GRHL3: variants seen among roughly 807,000 people sequenced by gnomAD.
The protein encoded by GRHL3 is grainyhead like transcription factor 3.
In GRHL3, 20 loss-of-function variants were observed where a neutral mutation model predicts 70.3. That is an observed-to-expected ratio of 0.28 (90% CI 0.20 to 0.41). The LOEUF (loss-of-function observed/expected upper bound fraction) is 0.41, where lower values mean the gene tolerates loss of function less well. GRHL3 is among the 10% of genes least tolerant of loss of function. The pLI is 1.00. For synonymous variants in GRHL3, 299 were observed against 299.9 expected (o/e 1.00, Z 0.03); for missense variants, 637 against 762.3 (o/e 0.84, Z 1.94).
chr1:24,358,640 G>C, downstream of GRHL3: 1 of 1,593,748 alleles, frequency 6.3e-7, no homozygotes, highest in Non-Finnish European at 8.6e-7. Flanking sequence ...ACAGAGAGGC[G>C]GAGGCATTAA....
At chr1:24,340,101 C>T (rs1008133865) in intron 8 of GRHL3, among the ~76,000 whole-genome samples, 3 of 152,122 alleles carry the variant, frequency 2.0e-5, no homozygotes, top group African/African-American at 7.2e-5. Context: ...GTGGAGCACA[C>T]GCCTGGCCCA....
intron 1 of GRHL3, among the ~76,000 whole-genome samples, chr1:24,323,320 A>G (rs1639274757): frequency 6.6e-6 from 1 of 152,096 alleles, no homozygotes; most frequent in Non-Finnish European, 1.5e-5. Flanking sequence ...CCCTAGACCT[A>G]CTGAATCAGA....
In GRHL3 at chr1:24,350,078, C is replaced by T; in HGVS notation, c.1650C>T (p.Phe550=). The T allele has an allele frequency of 6.2e-7, 1 of 1,613,664 alleles. No individual in the cohort carries two copies. ...LRNAISEKYG[F]PEENIYKVYK... ...TCCAGATCTCTGAGAAGTATGGGTT[C>T]CCTGAAGAGAACATTTACAAAGTCT... Residue 550 remains phenylalanine, a synonymous_variant, in exon 15 of 16, where the codon TTC becomes TTT. Transcript: ENST00000361548.
rs772829255 is a variant in GRHL3 at position 24,347,447 on chromosome 1, A to G, written c.1544-21A>G. On this transcript the variant is annotated intron_variant, in intron 13 of 15. Coordinates refer to ENST00000361548, the MANE Select transcript of GRHL3 (RefSeq NM_198173.3). ...TGTTCACATTATCTTCCTTGCACTC[A>G]AGCTGGCCCTTGCTTTTCAGTTCTG... 4.4e-6 allele frequency: 7 copies of G among 1,603,778 alleles called. No individual in the cohort carries two copies. In the East Asian group the frequency reaches 1.6e-4, roughly 36 times the overall value.
chr1:24,339,425 G>A lies in GRHL3; in HGVS notation c.953-243G>A, dbSNP rs112177946. On this transcript the variant is annotated intron_variant, in intron 7 of 15. Coordinates refer to ENST00000361548, the MANE Select transcript of GRHL3 (RefSeq NM_198173.3). ...CTCCCGAGTAGCTGAGACTACAGGC[G>A]CCTGCCACCATGCCCAGCTAATTTT... 3.8e-3 allele frequency among the ~76,000 whole-genome samples: 574 copies of A among 152,166 alleles called. 4 individuals carry two copies. Among genetic ancestry groups the A allele is most frequent in the African/African-American group, 0.013 (536 of 41,518 alleles).
chr1:24,342,015 G>T lies in GRHL3; in HGVS notation c.1048-100G>T. On this transcript the variant is annotated intron_variant, in intron 8 of 15. Transcript: ENST00000361548. This position sits in a 1 kb window ranked among gnomAD's most constrained non-coding sequence, Gnocchi z 4.8. ...GGGGCCTAGTGAGGCTTAAGGGTGA[G>T]CAGCAGGCACACAGAAAGCTAGAAA... is the stretch of plus-strand genomic sequence containing the variant. 8.7e-7 allele frequency: 1 copy of T among 1,154,116 alleles called. No homozygotes were observed. The highest frequency in any genetic ancestry group is 1.2e-6 in the Non-Finnish European group (1 of 817,086). The allele number at this position is 1,154,116 out of a possible 1,614,324, so 71.5% of individuals were successfully genotyped here.
At chr1:24,335,366 G>T (rs72878815) in intron 3 of GRHL3, among the ~76,000 whole-genome samples, 7,135 of 152,276 alleles carry the variant, frequency 0.047, 599 homozygotes, top group African/African-American at 0.16. Flanking sequence ...GCACTGGAAA[G>T]ACCTTGTCCC....
intron 1 of GRHL3, among the ~76,000 whole-genome samples, chr1:24,326,800 C>T (rs1437801633): frequency 6.6e-6 from 1 of 152,134 alleles, no homozygotes; most frequent in African/African-American, 2.4e-5. Context: ...CCAGGCCAGA[C>T]CCTAGGAGTC....
At position 24,337,773 on chromosome 1, in the gene GRHL3, C is replaced by G. The variant is rs888539948; in HGVS notation, c.824C>G (p.Ser275Cys). ...TPAGGKGLAL[S>C]SNKVKSVVMV... ...GCAGGTGGCAAAGGCCTTGCCTTGTCCTCCAACAAAGTCAAGGTGCGTTGG... is the reference window on the plus strand; with the variant it reads ...GCAGGTGGCAAAGGCCTTGCCTTGTGCTCCAACAAAGTCAAGGTGCGTTGG... Residue 275 changes from serine to cysteine, a missense_variant, in exon 6 of 16, where the codon TCC (serine) becomes TGC (cysteine). Around this residue, in one of 2 missense-constraint regions of GRHL3, gnomAD observed 387 missense variants for 513.8 expected, o/e 0.75. Transcript: ENST00000361548. 1 of 1,614,220 alleles carries G rather than the reference C, an allele frequency of 6.2e-7. No individual in the cohort carries two copies.
In GRHL3 at chr1:24,337,664, A is replaced by G; in HGVS notation, c.715A>G (p.Lys239Glu). Residue 239 changes from lysine to glutamate, a missense_variant, in exon 6 of 16, where the codon AAA becomes GAA. Around this residue, in one of 2 missense-constraint regions of GRHL3, gnomAD observed 387 missense variants for 513.8 expected, o/e 0.75. Transcript: ENST00000361548. ...CTTTGAATACACCCTGGGCTCCCCC[A>G]AAGCCATCCACATCAAGTCAGGCGA... ...SDFEYTLGSP[K>E]AIHIKSGESP... The G allele has an allele frequency of 6.2e-7, 1 of 1,614,136 alleles. No individual in the cohort carries two copies. The highest frequency in any genetic ancestry group is 1.1e-5 in the South Asian group (1 of 91,068).
intron 5 of GRHL3, 137 bp from the exon 6 acceptor site, chr1:24,337,499 G>T: frequency 1.1e-6 from 1 of 882,482 alleles, no homozygotes; most frequent in Non-Finnish European, 1.7e-6. Context: ...AGGAAACTGG[G>T]GCCCAAGGAA....
In GRHL3 at chr1:24,342,192, G is replaced by A. The variant is rs779119591; in HGVS notation, c.1125G>A (p.Gln375=). Residue 375 remains glutamine (Q), a synonymous_variant, in exon 9 of 16, where the codon CAG becomes CAA. Transcript: ENST00000361548. The surrounding 1 kb of genome is among the most constrained non-coding windows in gnomAD (Gnocchi z 4.8). ...KGVKGVPLNL[Q]IDTYDCGLGT... Reference sequence around the variant, plus strand: ...TGAAGGGTGTCCCCCTGAACCTGCAGATTGACACCTATGACTGTGGCTTGG... The same window carrying A: ...TGAAGGGTGTCCCCCTGAACCTGCAAATTGACACCTATGACTGTGGCTTGG... 2 of 1,613,720 alleles carry A rather than the reference G, an allele frequency of 1.2e-6. No homozygotes were observed. The highest frequency in any genetic ancestry group is 1.7e-6 in the Non-Finnish European group (2 of 1,179,768).
chr1:24,355,550 G>A (rs943155573), downstream of GRHL3, among the ~76,000 whole-genome samples: 1 of 152,218 alleles, frequency 6.6e-6, no homozygotes, highest in African/African-American at 2.4e-5. Context: ...TACAGCCTCA[G>A]GATCATTGAC....
chr1:24,336,395 C>T (rs1032355400), intron 3 of GRHL3, 87 bp from the exon 4 acceptor site: 5 of 812,968 alleles, frequency 6.2e-6, no homozygotes, highest in African/African-American at 1.7e-5. Context: ...GATCAAAGGC[C>T]AGTGTGTCAG....
At chr1:24,324,088 AG>A (rs3216004) in intron 1 of GRHL3, among the ~76,000 whole-genome samples, 1 of 152,198 alleles carries the variant, frequency 6.6e-6, no homozygotes, top group East Asian at 1.9e-4. Context: ...CCGGGTTTAC[AG>A]GTGGATTTCA....
At chr1:24,344,805 C>A in intron 11 of GRHL3, 92 bp from the exon 12 acceptor site, 1 of 1,466,120 alleles carries the variant, frequency 6.8e-7, no homozygotes. Flanking sequence ...CACCTCCCAC[C>A]AAAAATATTC....
Position 24,322,944 on chromosome 1 carries a change from A to G in GRHL3, c.17+3376A>G, listed in dbSNP as rs1275067981. Reference sequence around the variant, plus strand: ...CCCAGACCTGGTTCAGGCTTGCCCAAGGTCTCACGGAAGCACTGGGATCTT... The same window carrying G: ...CCCAGACCTGGTTCAGGCTTGCCCAGGGTCTCACGGAAGCACTGGGATCTT... On this transcript the variant is annotated intron_variant, in intron 1 of 15. Transcript: ENST00000361548. The surrounding 1 kb of genome is among the most constrained non-coding windows in gnomAD (Gnocchi z 4.4). 5 of 694,664 alleles carry G rather than the reference A, an allele frequency of 7.2e-6. No individual in the cohort carries two copies. Among genetic ancestry groups the G allele is most frequent in the African/African-American group, 5.4e-5 (3 of 55,930 alleles). 43.0% of individuals were successfully genotyped at this position (694,664 alleles called of 1,614,324 possible). A position where few individuals can be genotyped will look rare whatever the true frequency, so the allele number is the denominator to read the frequency against.
chr1:24,326,199 T>TA (rs112821116), intron 1 of GRHL3, among the ~76,000 whole-genome samples: 2 of 152,290 alleles, frequency 1.3e-5, no homozygotes, highest in African/African-American at 4.8e-5. Context: ...CAAGGTGGCA[T>TA]ATGCAAAGTA....
chr1:24,340,515 T>C (rs576517293), intron 8 of GRHL3, among the ~76,000 whole-genome samples: 1 of 152,294 alleles, frequency 6.6e-6, no homozygotes, highest in Non-Finnish European at 1.5e-5. Context: ...CCTCGCTGTG[T>C]CTTGGTTTGC....
Sources: gnomAD v4.1 joint callset for allele counts (sites outside exome capture counted in the v4.1 genomes callset) on GRCh38, gnomAD v4.1.1 for gene constraint, gnomAD v4.1.1 regional missense constraint, Gnocchi (gnomAD v3.1) non-coding constraint, MANE v1.5 for transcripts, NCBI Gene and HGNC (gene_info 2026-07-23, HGNC 2026-07-21) for gene names.